KDM3B: variants seen among roughly 807,000 people sequenced by gnomAD.
The protein encoded by KDM3B is lysine demethylase 3B.
A neutral mutation model predicts 170.0 loss-of-function variants in KDM3B; 10 were observed. That is an observed-to-expected ratio of 0.06 (90% confidence interval 0.04 to 0.10). KDM3B has a LOEUF of 0.10. KDM3B is among the 10% of genes least tolerant of loss of function. The pLI is 1.00. For synonymous variants in KDM3B, 831 were observed against 834.8 expected (o/e 1.00, Z 0.08); for missense variants, 1,394 against 2,195.2 (o/e 0.64, Z 7.29).
At chr5:138,399,411 G>A (rs1762625287) in intron 10 of KDM3B, among the ~76,000 whole-genome samples, 1 of 151,730 alleles carries the variant, frequency 6.6e-6, no homozygotes, top group Non-Finnish European at 1.5e-5. Flanking sequence ...GGTGGCGGGT[G>A]CCTGTAATCC....
chr5:138,386,251 A>G lies in KDM3B; in HGVS notation c.1010A>G (p.Gln337Arg). Reference protein sequence around the residue: ...GNASGEPGLDQRAKQPPSTFV... With the variant: ...GNASGEPGLDRRAKQPPSTFV... ...GCCAGTGGAGAGCCAGGGCTGGATCAGAGAGCCAAGCAGCCACCGTCTACA... is the reference window on the plus strand; with the variant it reads ...GCCAGTGGAGAGCCAGGGCTGGATCGGAGAGCCAAGCAGCCACCGTCTACA... The change falls in exon 7 of 24, where the codon CAG becomes CGG. Residue 337 changes from glutamine (Q) to arginine (R), a missense_variant. Gln to Arg is a conservative substitution (Grantham distance 43, BLOSUM62 1). Transcript: ENST00000314358. 6.2e-7 allele frequency: 1 copy of G among 1,614,248 alleles called. No homozygotes were observed. Among genetic ancestry groups the G allele is most frequent in the Non-Finnish European group, 8.5e-7 (1 of 1,180,050 alleles).
At chr5:138,410,985 G>C (rs1762953034) in intron 11 of KDM3B, among the ~76,000 whole-genome samples, 1 of 152,222 alleles carries the variant, frequency 6.6e-6, no homozygotes, top group Admixed American at 6.5e-5. Context: ...GAGACGGTTA[G>C]GCCTCCGGAT....
intron 8 of KDM3B, 23 bp downstream of exon 8, chr5:138,392,284 T>G: frequency 6.8e-7 from 1 of 1,469,598 alleles, no homozygotes; most frequent in African/African-American, 1.4e-5. Flanking sequence ...GGGCTATATT[T>G]GGGCTTTGCT....
rs146961660 is a variant in KDM3B at position 138,406,658 on chromosome 5, TAAAC to T, written c.3199+6649_3199+6652del. On this transcript the variant is annotated intron_variant, in intron 11 of 23. Coordinates refer to ENST00000314358, the MANE Select transcript of KDM3B (RefSeq NM_016604.4). ...TGTCTCAATAAAAAAAAAGAAAAGT[TAAAC>T]AATTAACTTTTTAAAAGAGTATAAA... is the stretch of plus-strand genomic sequence containing the variant. 4.3e-3 allele frequency among the ~76,000 whole-genome samples: 656 copies of T among 152,184 alleles called. 4 individuals are homozygous for T. Among genetic ancestry groups the T allele is most frequent in the African/African-American group, 0.014 (595 of 41,516 alleles).
rs1179196754 is a variant in KDM3B at position 138,399,864 on chromosome 5, A to G, written c.3051A>G (p.Lys1017=). ...EAMMMVEPHQ[K]VAWKRAVRGV... Reference sequence around the variant, plus strand: ...TCTGTTTCCTCTTTCCACCAGAGAAAGTGGCATGGAAGCGAGCTGTGCGTG... The same window carrying G: ...TCTGTTTCCTCTTTCCACCAGAGAAGGTGGCATGGAAGCGAGCTGTGCGTG... Residue 1017 remains lysine, a synonymous_variant, in exon 11 of 24, where the codon AAA becomes AAG. Coordinates refer to ENST00000314358, the MANE Select transcript of KDM3B (RefSeq NM_016604.4). The G allele has an allele frequency of 6.2e-7, 1 of 1,611,668 alleles. No individual in the cohort carries two copies. The highest frequency in any genetic ancestry group is 8.5e-7 in the Non-Finnish European group (1 of 1,178,026).
chr5:138,356,457 A>G (rs937093949), intron 1 of KDM3B, among the ~76,000 whole-genome samples: 2 of 151,604 alleles, frequency 1.3e-5, no homozygotes, highest in South Asian at 2.1e-4. Context: ...TTTCATGACT[A>G]TTTGTCCTTT....
intron 6 of KDM3B, among the ~76,000 whole-genome samples, chr5:138,385,442 A>T (rs1476209795): frequency 1.3e-5 from 2 of 152,224 alleles, no homozygotes; most frequent in African/African-American, 4.8e-5. Context: ...CATGTTGGCC[A>T]GGATGGTCTC....
chr5:138,406,712 C>T (rs1195925203), intron 11 of KDM3B, among the ~76,000 whole-genome samples: 2 of 152,026 alleles, frequency 1.3e-5, no homozygotes, highest in African/African-American at 4.8e-5. Context: ...TTTATATGTG[C>T]TAATCTTCTG....
At chr5:138,359,288 C>T (rs565472522) in intron 1 of KDM3B, among the ~76,000 whole-genome samples, 13 of 151,766 alleles carry the variant, frequency 8.6e-5, no homozygotes, top group Admixed American at 5.3e-4. Context: ...TAGTCTCCTG[C>T]GTAGTTGTGA....
chr5:138,419,668 A>AAAATATAT (rs1408643891), intron 14 of KDM3B, among the ~76,000 whole-genome samples: 4 of 109,228 alleles, frequency 3.7e-5, no homozygotes, highest in Non-Finnish European at 5.3e-5. Context: ...AAAAAAAAAA[A>AAAATATAT]ATATATATAT....
intron 7 of KDM3B, 83 bp downstream of exon 7, chr5:138,386,704 G>C: frequency 6.6e-7 from 1 of 1,510,650 alleles, no homozygotes; most frequent in East Asian, 2.3e-5. Flanking sequence ...AAACATTCAA[G>C]TGCCCCAGGG....
chr5:138,428,063 T>C lies in KDM3B; in HGVS notation c.4730T>C (p.Ile1577Thr), dbSNP rs1424018965. ...VNVMVYVGIPIGEGAHDEEVL... is the reference protein window; with the variant it reads ...VNVMVYVGIPTGEGAHDEEVL... ...GTGATGGTGTATGTTGGGATTCCCA[T>C]CGGGGAGGGTGCTCATGATGAAGGT... is the stretch of plus-strand genomic sequence containing the variant. The change falls in exon 20 of 24, where the codon ATC becomes ACC. Residue 1577 changes from isoleucine to threonine, a missense_variant. By Grantham distance (89) the Ile-to-Thr change is moderately conservative. Coordinates refer to ENST00000314358, the MANE Select transcript of KDM3B (RefSeq NM_016604.4). 2.5e-6 allele frequency: 4 copies of C among 1,613,916 alleles called. No homozygotes were observed. The Admixed American group carries it at 6.7e-5, about 27-fold the overall frequency.
intron 11 of KDM3B, among the ~76,000 whole-genome samples, chr5:138,409,939 T>C (rs1313273939): frequency 6.6e-6 from 1 of 151,358 alleles, no homozygotes; most frequent in Non-Finnish European, 1.5e-5. Context: ...AATACAAAAT[T>C]AGCCAGGCAT....
rs1175293413 is a variant in KDM3B at position 138,386,570 on chromosome 5, A to G, written c.1329A>G (p.Ala443=). The G allele has an allele frequency of 8.1e-6, 13 of 1,614,084 alleles. No individual in the cohort carries two copies. The highest frequency in any genetic ancestry group is 1.0e-5 in the Non-Finnish European group (12 of 1,180,014). ...GGATCTCAGACACTGGCCTTGCAGCAGGGACTGTGCCAGAAAAACAGAAAG... is the reference window on the plus strand; with the variant it reads ...GGATCTCAGACACTGGCCTTGCAGCGGGGACTGTGCCAGAAAAACAGAAAG... ...TVRISDTGLA[A]GTVPEKQKGS... Residue 443 remains alanine (A), a synonymous_variant, in exon 7 of 24, where the codon GCA becomes GCG. Coordinates refer to ENST00000314358, the MANE Select transcript of KDM3B (RefSeq NM_016604.4).
intron 11 of KDM3B, 29 bp downstream of exon 11, chr5:138,400,041 A>G: frequency 6.2e-7 from 1 of 1,610,730 alleles, no homozygotes; most frequent in Non-Finnish European, 8.5e-7. Flanking sequence ...GTGTAGCTCG[A>G]AAGGTAACGT....
Position 138,436,118 on chromosome 5 carries a change from A to T in KDM3B, c.*418A>T, listed in dbSNP as rs1185280768. The T allele has an allele frequency of 5.5e-6, 1 of 183,040 alleles. No homozygotes were observed. The highest frequency in any genetic ancestry group is 1.1e-5 in the Non-Finnish European group (1 of 87,702). 11.3% of individuals were successfully genotyped at this position (183,040 alleles called of 1,614,324 possible). A position where few individuals can be genotyped will look rare whatever the true frequency, so the allele number is the denominator to read the frequency against. On this transcript the variant is annotated 3_prime_UTR_variant, in exon 24 of 24. Transcript: ENST00000314358. ...GTACAAGTATGGGGTAATTGCTTAAACATGCCTGGTGGAAGTCTGATAGCG... is the reference window on the plus strand; with the variant it reads ...GTACAAGTATGGGGTAATTGCTTAATCATGCCTGGTGGAAGTCTGATAGCG...
At chr5:138,425,606 C>A in intron 17 of KDM3B, 24 bp downstream of exon 17, 1 of 1,596,718 alleles carries the variant, frequency 6.3e-7, no homozygotes, top group South Asian at 1.1e-5. Context: ...ATATCTAGTT[C>A]AGTGATAGCA....
At position 138,432,483 on chromosome 5, in the gene KDM3B, C is replaced by A. The variant is rs140975362; in HGVS notation, c.5205+924C>A. Reference sequence around the variant, plus strand: ...AGGAGATCAAGACCATCCTGGCTAACATGTTGATACCCCATCTTTACTAAA... The same window carrying A: ...AGGAGATCAAGACCATCCTGGCTAAAATGTTGATACCCCATCTTTACTAAA... On this transcript the variant is annotated intron_variant, in intron 23 of 23. Coordinates refer to ENST00000314358, the MANE Select transcript of KDM3B (RefSeq NM_016604.4). Among the ~76,000 whole-genome samples, 1,291 of 152,136 alleles carry A rather than the reference C, an allele frequency of 8.5e-3. 18 individuals are homozygous for A. The highest frequency in any genetic ancestry group is 0.029 in the African/African-American group (1,206 of 41,504).
intron 10 of KDM3B, among the ~76,000 whole-genome samples, chr5:138,399,040 C>G (rs550012755): frequency 1.0e-3 from 158 of 151,632 alleles, no homozygotes; most frequent in African/African-American, 3.7e-3. Flanking sequence ...AGGCGCCCAC[C>G]ACCAAGCCCG....
Sources: gnomAD v4.1 joint callset for allele counts (sites outside exome capture counted in the v4.1 genomes callset) on GRCh38, gnomAD v4.1.1 for gene constraint, MANE v1.5 for transcripts, NCBI Gene and HGNC (gene_info 2026-07-23, HGNC 2026-07-21) for gene names.